The following SYTL5 variants were observed in gnomAD, a reference collection of about 807,000 sequenced individuals.
The protein encoded by SYTL5 is synaptotagmin like 5, also known as synaptotagmin-like protein 5.
A neutral mutation model predicts 55.9 loss-of-function variants in SYTL5; 34 were observed. The observed-to-expected ratio is 0.61, with a 90% CI of 0.46 to 0.81. The LOEUF (loss-of-function observed/expected upper bound fraction) is 0.81, where lower values mean the gene tolerates loss of function less well. SYTL5 is among the 30% of genes least tolerant of loss of function. The pLI is 0.00. For missense variants in SYTL5, 637 were observed against 546.7 expected (o/e 1.17, Z -1.65); for synonymous variants, 221 against 188.7 (o/e 1.17, Z -1.40).
At chrX:37,991,346 C>T in the SYTL5 span, 1 of 980,922 alleles carries the variant, frequency 1.0e-6, no homozygotes, top group African/African-American at 2.0e-5. Flanking sequence ...GTTTCTGTCG[C>T]TTTGGGTTGT....
Position 38,072,037 on chromosome X carries a change from C to T in SYTL5, c.330-10C>T, listed in dbSNP as rs1421404790. On this transcript the variant is annotated splice_polypyrimidine_tract_variant and intron_variant, in intron 3 of 16. Coordinates refer to ENST00000297875, the MANE Select transcript of SYTL5 (RefSeq NM_138780.3). ...TGAATTTCAATGCTCTTCCCTTTTC[C>T]CTTGAGTAGGCAGCTAAGGATTATA... The T allele has an allele frequency of 1.7e-6, 2 of 1,161,599 alleles. No homozygotes were observed. The highest frequency in any genetic ancestry group is 3.0e-5 in the East Asian group (1 of 33,535).
the SYTL5 span, among the ~76,000 whole-genome samples, chrX:37,917,156 T>C: frequency 9.0e-6 from 1 of 111,528 alleles, no homozygotes; most frequent in Non-Finnish European, 1.9e-5. Flanking sequence ...TCATTGTTGA[T>C]GTTGACCTTG....
chrX:37,999,343 C>T, the SYTL5 span, among the ~76,000 whole-genome samples: 1 of 112,626 alleles, frequency 8.9e-6, no homozygotes, highest in South Asian at 3.7e-4. Context: ...CTGCATTTGG[C>T]ATTTTCTTAA....
At chrX:38,093,100 C>T (rs1936840407) in intron 7 of SYTL5, among the ~76,000 whole-genome samples, 2 of 111,937 alleles carry the variant, frequency 1.8e-5, no homozygotes, top group Non-Finnish European at 3.8e-5. Flanking sequence ...CTGTCACACT[C>T]CTGATAAACT....
At chrX:37,928,264 A>G in the SYTL5 span, among the ~76,000 whole-genome samples, 1 of 111,700 alleles carries the variant, frequency 9.0e-6, no homozygotes, top group Admixed American at 9.5e-5. Flanking sequence ...CAAAATAAAT[A>G]TCTCACACAT....
chrX:37,969,072 T>C, the SYTL5 span, among the ~76,000 whole-genome samples: 6 of 111,929 alleles, frequency 5.4e-5, no homozygotes, highest in East Asian at 2.8e-4. Flanking sequence ...TTTTAAAATT[T>C]ACTTAGTTTT....
chrX:38,038,362 C>T (rs1165819689), intron 2 of SYTL5, among the ~76,000 whole-genome samples: 1 of 111,803 alleles, frequency 8.9e-6, no homozygotes, highest in Non-Finnish European at 1.9e-5. Flanking sequence ...CCTTGCATCT[C>T]ACCACTTATG....
At position 38,033,913 on chromosome X, in the gene SYTL5, C is replaced by T; in HGVS notation, c.24C>T (p.Ile8=). 1 of 1,189,987 alleles carries T rather than the reference C, an allele frequency of 8.4e-7. No homozygotes were observed. The highest frequency in any genetic ancestry group is 1.8e-5 in the South Asian group (1 of 54,771). ...CCATGTCTAAGAACTCAGAGTTCAT[C>T]AATCTGTCATTTTTATTAGATCATG... The part of the protein sequence containing the change: MSKNSEF[I]NLSFLLDHEK... The change falls in exon 2 of 17, where the codon ATC becomes ATT. Residue 8 remains isoleucine, a synonymous_variant. Coordinates refer to ENST00000297875, the MANE Select transcript of SYTL5 (RefSeq NM_138780.3).
the SYTL5 span, among the ~76,000 whole-genome samples, chrX:37,943,392 G>T: frequency 9.0e-6 from 1 of 111,550 alleles, no homozygotes; most frequent in African/African-American, 3.3e-5. Flanking sequence ...GTCTTGAAAT[G>T]GGGGAAGGAG....
intron 6 of SYTL5, among the ~76,000 whole-genome samples, chrX:38,086,207 G>T (rs1172857474): frequency 9.0e-6 from 1 of 111,333 alleles, no homozygotes; most frequent in Admixed American, 9.5e-5. Context: ...AGGGCCAGGG[G>T]CTCAGATGTT....
chrX:38,076,476 T>G (rs1391778363), intron 5 of SYTL5, 91 bp from the exon 6 acceptor site: 3 of 793,150 alleles, frequency 3.8e-6, no homozygotes, highest in East Asian at 3.5e-5. Context: ...GAATCCTTTA[T>G]TATTAAAAGT....
At chrX:38,061,391 A>C (rs1935939537) in intron 3 of SYTL5, among the ~76,000 whole-genome samples, 1 of 111,712 alleles carries the variant, frequency 9.0e-6, no homozygotes, top group African/African-American at 3.3e-5. Flanking sequence ...AGCATAAATA[A>C]TATTTTATTG....
chrX:38,105,441 T>G, intron 10 of SYTL5, among the ~76,000 whole-genome samples: 1 of 112,437 alleles, frequency 8.9e-6, no homozygotes, highest in South Asian at 3.7e-4. Flanking sequence ...TGGAAAGGCG[T>G]GACAACACGA....
chrX:38,110,264 C>T, intron 12 of SYTL5, 57 bp from the exon 13 acceptor site: 1 of 984,866 alleles, frequency 1.0e-6, no homozygotes, highest in Non-Finnish European at 1.3e-6. Flanking sequence ...TTCGACCTCT[C>T]CTGGAATTGG....
chrX:37,898,616 C>T, the SYTL5 span, among the ~76,000 whole-genome samples: 2 of 111,906 alleles, frequency 1.8e-5, no homozygotes, highest in Non-Finnish European at 3.8e-5. Flanking sequence ...TTAATATAGT[C>T]CTTTTCTTCT....
rs373199548 is a variant in SYTL5 at position 38,125,379 on chromosome X, T to C, written c.1923T>C (p.His641=). The change falls in exon 16 of 17, where the codon CAT becomes CAC. Residue 641 remains histidine (H), a synonymous_variant. Transcript: ENST00000297875. ...IKKSVNPQWN[H]TFMFSGIHPQ... is the part of the protein sequence containing the mutation. ...AGAGTGTTAACCCTCAGTGGAATCATACATTCATGTTCAGTGGCATCCATC... is the reference window on the plus strand; with the variant it reads ...AGAGTGTTAACCCTCAGTGGAATCACACATTCATGTTCAGTGGCATCCATC... 6.6e-6 allele frequency: 8 copies of C among 1,209,496 alleles called. No homozygotes were observed. In the African/African-American group the frequency reaches 1.0e-4, roughly 16 times the overall value.
chrX:38,120,596 T>G, intron 14 of SYTL5, 130 bp downstream of exon 14: 1 of 504,321 alleles, frequency 2.0e-6, no homozygotes, highest in Non-Finnish European at 3.4e-6. Flanking sequence ...TTGGTGTCAC[T>G]GTCTTTTGGG....
intron 3 of SYTL5, among the ~76,000 whole-genome samples, chrX:38,070,108 T>C (rs750073468): frequency 8.9e-6 from 1 of 111,803 alleles, no homozygotes; most frequent in African/African-American, 3.2e-5. Context: ...ATTTTCACTT[T>C]TTGCCAGTAG....
chrX:37,968,416 TG>T, the SYTL5 span, among the ~76,000 whole-genome samples: 1 of 111,331 alleles, frequency 9.0e-6, no homozygotes, highest in Non-Finnish European at 1.9e-5. Flanking sequence ...CCTTTTCTGG[TG>T]AAAAGGGTTT....
Sources: allele counts gnomAD v4.1 joint callset (sites outside exome capture counted in the v4.1 genomes callset), GRCh38; gene constraint gnomAD v4.1.1; transcripts MANE v1.5; gene names NCBI Gene and HGNC (gene_info 2026-07-23, HGNC 2026-07-21).